Variants in RNLS observed in about 807,000 individuals in gnomAD.
RNLS encodes renalase.
In RNLS, 39 loss-of-function variants were observed where a neutral mutation model predicts 39.8. That is an observed-to-expected ratio of 0.98 (90% CI 0.76 to 1.28). RNLS has a LOEUF of 1.28. Ranked by LOEUF, RNLS falls within the 50% of genes most tolerant of loss-of-function variation. The pLI is 0.00. For synonymous variants in RNLS, 147 were observed against 150.7 expected (o/e 0.98, Z 0.18); for missense variants, 410 against 413.3 (o/e 0.99, Z 0.07).
intron 4 of RNLS, among the ~76,000 whole-genome samples, chr10:88,410,707 CA>C (rs2133697627): frequency 6.6e-6 from 1 of 151,148 alleles, no homozygotes; most frequent in African/African-American, 2.4e-5. Flanking sequence ...TGAACCTGAG[CA>C]AATTACTTAA....
intron 4 of RNLS, among the ~76,000 whole-genome samples, chr10:88,563,255 C>T (rs868312585): frequency 6.6e-6 from 1 of 151,944 alleles, no homozygotes; most frequent in Non-Finnish European, 1.5e-5. Context: ...TAAGAAAAAA[C>T]AGGACAAAAA....
chr10:88,244,821 G>A, the RNLS span, among the ~76,000 whole-genome samples: 1 of 151,990 alleles, frequency 6.6e-6, no homozygotes, highest in Non-Finnish European at 1.5e-5. Flanking sequence ...CCAACTGAGA[G>A]ACTTTACAGC....
At chr10:88,209,559 C>T in the RNLS span, among the ~76,000 whole-genome samples, 1 of 152,192 alleles carries the variant, frequency 6.6e-6, no homozygotes, top group Non-Finnish European at 1.5e-5. Context: ...TTTCAAATTA[C>T]TAACTTCCAG....
intron 5 of RNLS, among the ~76,000 whole-genome samples, chr10:88,319,498 C>A (rs943524979): frequency 2.6e-5 from 4 of 151,578 alleles, no homozygotes; most frequent in African/African-American, 9.7e-5. Flanking sequence ...TCAATGAGAT[C>A]CAAGAGAAAG....
intron 4 of RNLS, among the ~76,000 whole-genome samples, chr10:88,542,572 G>A (rs1459204619): frequency 6.6e-6 from 1 of 152,058 alleles, no homozygotes; most frequent in East Asian, 1.9e-4. Context: ...TGCCAGATTC[G>A]ATTGCTAGGA....
chr10:88,500,693 CT>C (rs1356561746), intron 4 of RNLS, among the ~76,000 whole-genome samples: 1 of 152,108 alleles, frequency 6.6e-6, no homozygotes, highest in Admixed American at 6.6e-5. Context: ...AATGGCAAAA[CT>C]AATAACCTAA....
intron 4 of RNLS, among the ~76,000 whole-genome samples, chr10:88,369,910 T>A (rs954081029): frequency 6.6e-6 from 1 of 152,168 alleles, no homozygotes; most frequent in Non-Finnish European, 1.5e-5. Flanking sequence ...GGTTTTGAAC[T>A]CCTGACCTCA....
intron 4 of RNLS, among the ~76,000 whole-genome samples, chr10:88,485,277 T>G (rs1017563800): frequency 1.3e-5 from 2 of 151,876 alleles, no homozygotes; most frequent in African/African-American, 4.8e-5. Flanking sequence ...ATCAGGTCAA[T>G]GGGATAGAGT....
At chr10:88,552,085 C>T (rs1422617980) in intron 4 of RNLS, among the ~76,000 whole-genome samples, 2 of 152,180 alleles carry the variant, frequency 1.3e-5, no homozygotes, top group Non-Finnish European at 2.9e-5. Context: ...TGCTTTAACA[C>T]ATTATCTTAT....
At chr10:88,531,668 A>G (rs1847432169) in intron 4 of RNLS, among the ~76,000 whole-genome samples, 1 of 152,070 alleles carries the variant, frequency 6.6e-6, no homozygotes, top group Admixed American at 6.6e-5. Flanking sequence ...GCACATACTA[A>G]GTCAGGGCAC....
At chr10:88,511,624 G>A (rs956591392) in intron 4 of RNLS, among the ~76,000 whole-genome samples, 4 of 152,050 alleles carry the variant, frequency 2.6e-5, no homozygotes, top group African/African-American at 9.7e-5. Context: ...TTATAGGCCT[G>A]AGAAGATGAG....
intron 4 of RNLS, among the ~76,000 whole-genome samples, chr10:88,477,101 T>A (rs1430562801): frequency 6.6e-6 from 1 of 152,000 alleles, no homozygotes; most frequent in Non-Finnish European, 1.5e-5. Context: ...TCAAGCAAAT[T>A]ATATTTTTGT....
intron 4 of RNLS, among the ~76,000 whole-genome samples, chr10:88,504,079 AG>A (rs1845649938): frequency 6.6e-6 from 1 of 152,192 alleles, no homozygotes; most frequent in Non-Finnish European, 1.5e-5. Flanking sequence ...TGAGTGAGCT[AG>A]GAAGTAGATT....
the RNLS span, among the ~76,000 whole-genome samples, chr10:88,190,388 C>T: frequency 6.6e-6 from 1 of 152,092 alleles, no homozygotes. Flanking sequence ...TTCATAAGGA[C>T]ACAGACAAAC....
intron 4 of RNLS, among the ~76,000 whole-genome samples, chr10:88,385,795 C>T (rs1851826773): frequency 6.6e-6 from 1 of 152,152 alleles, no homozygotes; most frequent in African/African-American, 2.4e-5. Flanking sequence ...CTTAGTCCAC[C>T]TGGTGGTTGG....
intron 4 of RNLS, among the ~76,000 whole-genome samples, chr10:88,524,998 T>TATATATATATATAC (rs1554919255): frequency 1.2e-4 from 13 of 104,464 alleles, no homozygotes; most frequent in African/African-American, 4.5e-4. Context: ...TATATATATA[T>TATATATATATATAC]ACACACACAC....
the RNLS span, among the ~76,000 whole-genome samples, chr10:88,226,243 ACG>A: frequency 8.6e-4 from 131 of 152,330 alleles, no homozygotes; most frequent in African/African-American, 2.9e-3. Context: ...TTATCTATGC[ACG>A]GTTTGTGCAA....
At chr10:88,315,715 C>CTCTTTACATTTCA (rs1845707661) in intron 5 of RNLS, among the ~76,000 whole-genome samples, 1 of 148,930 alleles carries the variant, frequency 6.7e-6, no homozygotes, top group Non-Finnish European at 1.5e-5. Context: ...ACTATGTGCC[C>CTCTTTACATTTCA]GCTTAACCTC....
chr10:88,350,669 G>A (rs1326855643), intron 5 of RNLS, among the ~76,000 whole-genome samples: 1 of 152,162 alleles, frequency 6.6e-6, no homozygotes, highest in African/African-American at 2.4e-5. Context: ...CTTTGCTATT[G>A]TGAGTAGTGC....
Sources: allele counts gnomAD v4.1 joint callset (sites outside exome capture counted in the v4.1 genomes callset), GRCh38; gene constraint gnomAD v4.1.1; transcripts MANE v1.5; gene names NCBI Gene and HGNC (gene_info 2026-07-23, HGNC 2026-07-21).